The following ABLIM1 variants were observed in gnomAD, a reference collection of about 807,000 sequenced individuals.
ABLIM1 encodes the protein actin-binding LIM protein 1.
Under a neutral mutation model 107.0 loss-of-function variants are expected in ABLIM1, and 40 were observed. The observed-to-expected ratio is 0.37, with a 90% CI of 0.29 to 0.49. ABLIM1 has a LOEUF of 0.49. ABLIM1 is among the 20% of genes least tolerant of loss of function. ABLIM1 has a pLI of 0.97. For missense variants in ABLIM1, 857 were observed against 1,008.5 expected (o/e 0.85, Z 2.04); for synonymous variants, 357 against 357.3 (o/e 1.00, Z 0.01).
At chr10:114,690,225 A>G in intron 1 of ABLIM1, 1 of 1,464,752 alleles carries the variant, frequency 6.8e-7, no homozygotes, top group Admixed American at 1.7e-5. Flanking sequence ...CGTGGCCTCC[A>G]CAATATTTAT....
intron 2 of ABLIM1, among the ~76,000 whole-genome samples, chr10:114,585,898 G>A (rs187875925): frequency 8.5e-5 from 13 of 152,168 alleles, no homozygotes; most frequent in East Asian, 7.7e-4. Context: ...TTGTCTCCTC[G>A]TCTCGACTGC....
chr10:114,679,635 C>CAAA (rs757677426), intron 1 of ABLIM1, among the ~76,000 whole-genome samples: 74 of 86,290 alleles, frequency 8.6e-4, no homozygotes, highest in East Asian at 5.6e-3. Context: ...AACTCCGTCT[C>CAAA]AAAAAAAAAA....
At chr10:114,714,849 T>C (rs1447658491) in intron 1 of ABLIM1, among the ~76,000 whole-genome samples, 1 of 152,180 alleles carries the variant, frequency 6.6e-6, no homozygotes. Flanking sequence ...TTATAATATA[T>C]CTAGACGAGG....
At chr10:114,766,699 C>T (rs1032724171) in intron 1 of ABLIM1, among the ~76,000 whole-genome samples, 1 of 152,256 alleles carries the variant, frequency 6.6e-6, no homozygotes, top group East Asian at 1.9e-4. Context: ...AGATTTACAA[C>T]TTATAAGAGA....
chr10:114,664,035 A>G (rs913116851), intron 1 of ABLIM1, among the ~76,000 whole-genome samples: 2 of 152,192 alleles, frequency 1.3e-5, no homozygotes, highest in Non-Finnish European at 2.9e-5. Flanking sequence ...CTGTCAATTT[A>G]CTAGGAAATC....
At chr10:114,743,561 C>T (rs979456603) in intron 1 of ABLIM1, among the ~76,000 whole-genome samples, 1 of 152,176 alleles carries the variant, frequency 6.6e-6, no homozygotes, top group Non-Finnish European at 1.5e-5. Flanking sequence ...TTTGTCTTCT[C>T]TATTTTTTTC....
chr10:114,495,991 A>C (rs987348564), intron 6 of ABLIM1, among the ~76,000 whole-genome samples: 1 of 152,242 alleles, frequency 6.6e-6, no homozygotes, highest in Admixed American at 6.5e-5. Flanking sequence ...ATGGTGTGAC[A>C]CATTGCACAA....
At chr10:114,731,029 C>T (rs550561569) in intron 1 of ABLIM1, among the ~76,000 whole-genome samples, 15 of 152,234 alleles carry the variant, frequency 9.9e-5, no homozygotes, top group Admixed American at 3.3e-4. Context: ...TACCATTGTA[C>T]GGATACACCA....
Position 114,432,102 on chromosome 10 carries a change from ATC to A in ABLIM1, c.*4156_*4157del, listed in dbSNP as rs1190001258. 2.0e-5 allele frequency: 3 copies of A among 152,202 alleles called. No homozygotes were observed. Among genetic ancestry groups the A allele is most frequent in the African/African-American group, 7.2e-5 (3 of 41,462 alleles). The allele number at this position is 152,202 out of a possible 1,614,324, so 9.4% of individuals were successfully genotyped here. A position where few individuals can be genotyped will look rare whatever the true frequency, so the allele number is the denominator to read the frequency against. The stretch of plus-strand genomic sequence containing the variant: ...CACTGCAAATCTCAAGTCCCAAATA[ATC>A]TCTTTTTCTGGATAGAAAGTTATTC... On this transcript the variant is annotated 3_prime_UTR_variant, in exon 23 of 23. Transcript: ENST00000533213.
chr10:114,460,763 G>C (rs2063718613), intron 12 of ABLIM1, among the ~76,000 whole-genome samples: 2 of 152,182 alleles, frequency 1.3e-5, no homozygotes, highest in Admixed American at 1.3e-4. Flanking sequence ...AGGTGATACA[G>C]CTAGCAAGTG....
intron 1 of ABLIM1, among the ~76,000 whole-genome samples, chr10:114,697,156 T>C (rs34210195): frequency 0.34 from 51,393 of 152,080 alleles, 9,713 homozygotes; most frequent in South Asian, 0.44. Context: ...TTCTGCTCCA[T>C]GGGATCAGAG....
chr10:114,711,675 C>A (rs970708747), intron 1 of ABLIM1, among the ~76,000 whole-genome samples: 2 of 152,142 alleles, frequency 1.3e-5, no homozygotes, highest in African/African-American at 4.8e-5. Context: ...CTGTTGCTTA[C>A]CCCTAGGCCT....
At chr10:114,474,012 T>C in intron 8 of ABLIM1, 56 bp from the exon 9 acceptor site, 3 of 1,361,752 alleles carry the variant, frequency 2.2e-6, no homozygotes, top group East Asian at 2.3e-5. Context: ...GAATCTAGAC[T>C]GTCCTGGGCC....
At chr10:114,770,863 G>A (rs546531256), upstream of ABLIM1, among the ~76,000 whole-genome samples, 17 of 152,162 alleles carry the variant, frequency 1.1e-4, no homozygotes, top group African/African-American at 3.6e-4. Flanking sequence ...ACAGAGTCTC[G>A]CTCTATCACC....
intron 1 of ABLIM1, among the ~76,000 whole-genome samples, chr10:114,651,965 C>CA (rs2079268461): frequency 6.6e-6 from 1 of 152,198 alleles, no homozygotes; most frequent in Non-Finnish European, 1.5e-5. Flanking sequence ...CTTTGCCTCT[C>CA]AAAGTAGCCT....
intron 1 of ABLIM1, among the ~76,000 whole-genome samples, chr10:114,722,173 AGT>A (rs2081862484): frequency 6.6e-6 from 1 of 152,210 alleles, no homozygotes; most frequent in South Asian, 2.1e-4. Context: ...AAAGAGGTTT[AGT>A]TGGCTCATGG....
chr10:114,565,037 A>T (rs1332280593), intron 4 of ABLIM1, among the ~76,000 whole-genome samples: 1 of 152,234 alleles, frequency 6.6e-6, no homozygotes, highest in Non-Finnish European at 1.5e-5. Context: ...ATATAGAAAG[A>T]TTGATTTCTC....
At chr10:114,623,191 T>C (rs1225551654) in intron 1 of ABLIM1, among the ~76,000 whole-genome samples, 2 of 152,244 alleles carry the variant, frequency 1.3e-5, no homozygotes, top group African/African-American at 4.8e-5. Flanking sequence ...CAGGTAAACA[T>C]GCTCATCTAA....
upstream of ABLIM1, among the ~76,000 whole-genome samples, chr10:114,772,559 A>T (rs1469717651): frequency 6.6e-6 from 1 of 152,152 alleles, no homozygotes; most frequent in Non-Finnish European, 1.5e-5. Context: ...GTGAGCTATG[A>T]TTGCATCACT....
Sources: gnomAD v4.1 joint callset for allele counts (sites outside exome capture counted in the v4.1 genomes callset) on GRCh38, gnomAD v4.1.1 for gene constraint, MANE v1.5 for transcripts, NCBI Gene and HGNC (gene_info 2026-07-23, HGNC 2026-07-21) for gene names.